HSD17B12: variants seen among roughly 807,000 people sequenced by gnomAD.
HSD17B12 encodes the protein hydroxysteroid 17-beta dehydrogenase 12, also known as very-long-chain 3-oxoacyl-CoA reductase.
Under a neutral mutation model 39.3 loss-of-function variants are expected in HSD17B12, and 32 were observed. The ratio of observed to expected loss-of-function variants is 0.81; its 90% CI spans 0.61 to 1.09. The LOEUF (loss-of-function observed/expected upper bound fraction) is 1.09. Ranked by LOEUF, HSD17B12 falls within the 50% of genes least tolerant of loss-of-function variation. The probability of loss-of-function intolerance (pLI) is 0.00; values close to 1 mark genes in which losing one functional copy is unlikely to be tolerated. For synonymous variants in HSD17B12, 150 were observed against 146.7 expected, an observed-to-expected ratio of 1.02 and a Z score of -0.16; for missense variants, 342 against 382.9, an observed-to-expected ratio of 0.89 and a Z score of 0.89.
chr11:43,740,780 A>G (rs1355549670), intron 1 of HSD17B12, among the ~76,000 whole-genome samples: 1 of 152,206 alleles, frequency 6.6e-6, no homozygotes, highest in African/African-American at 2.4e-5. Flanking sequence ...TCATATGGCC[A>G]CTGCTAGCTG....
At chr11:43,675,373 G>A in the HSD17B12 span, among the ~76,000 whole-genome samples, 1 of 152,118 alleles carries the variant, frequency 6.6e-6, no homozygotes, top group Non-Finnish European at 1.5e-5. Context: ...ATAGTAAGAG[G>A]TTCCAGGCAG....
At chr11:43,840,311 AC>A (rs1327379851) in intron 9 of HSD17B12, among the ~76,000 whole-genome samples, 1 of 152,162 alleles carries the variant, frequency 6.6e-6, no homozygotes, top group African/African-American at 2.4e-5. Flanking sequence ...GCTGAAGCAT[AC>A]TTTTTAAGTT....
At chr11:43,666,820 C>A in the HSD17B12 span, among the ~76,000 whole-genome samples, 3 of 152,218 alleles carry the variant, frequency 2.0e-5, no homozygotes, top group Non-Finnish European at 4.4e-5. Context: ...TCCATGTAAA[C>A]AGGGCAACAT....
chr11:43,701,255 A>G (rs773272502), intron 1 of HSD17B12, among the ~76,000 whole-genome samples: 21 of 152,112 alleles, frequency 1.4e-4, no homozygotes, highest in Non-Finnish European at 2.6e-4. Context: ...TCAGATGGGT[A>G]GTTTGCAGAT....
the HSD17B12 span, among the ~76,000 whole-genome samples, chr11:43,577,144 A>C: frequency 6.6e-6 from 1 of 152,052 alleles, no homozygotes; most frequent in Non-Finnish European, 1.5e-5. Flanking sequence ...CTGGCCCAAG[A>C]CTCGGTTGCT....
At chr11:43,847,488 T>A (rs533376367) in intron 9 of HSD17B12, among the ~76,000 whole-genome samples, 6 of 152,228 alleles carry the variant, frequency 3.9e-5, no homozygotes, top group African/African-American at 1.2e-4. Context: ...GAGGGTCGCT[T>A]GAGCCCAGGA....
chr11:43,743,894 G>A (rs1358334249), intron 1 of HSD17B12, among the ~76,000 whole-genome samples: 1 of 152,172 alleles, frequency 6.6e-6, no homozygotes, highest in African/African-American at 2.4e-5. Flanking sequence ...ATGTAAATGT[G>A]TAAACAAACT....
chr11:43,770,863 A>AT (rs1239140539), intron 3 of HSD17B12, among the ~76,000 whole-genome samples: 1 of 152,228 alleles, frequency 6.6e-6, no homozygotes, highest in East Asian at 1.9e-4. Context: ...CGCATAGAAC[A>AT]TTTTAGTAAT....
intron 3 of HSD17B12, among the ~76,000 whole-genome samples, chr11:43,763,584 C>CCTTATATATATATATATAAGGTTAT (rs1202121353): frequency 7.5e-5 from 10 of 133,330 alleles, no homozygotes; most frequent in African/African-American, 2.5e-4. Flanking sequence ...TATTTTATAC[C>CCTTATATATATATATATAAGGTTAT]CTTATATATA....
At chr11:43,646,569 G>C in the HSD17B12 span, among the ~76,000 whole-genome samples, 1 of 152,196 alleles carries the variant, frequency 6.6e-6, no homozygotes, top group African/African-American at 2.4e-5. Context: ...TAATTGACAA[G>C]TTACCTCTGG....
chr11:43,584,597 A>T, the HSD17B12 span: 13 of 152,220 alleles, frequency 8.5e-5, no homozygotes, highest in Admixed American at 8.5e-4. Context: ...GGTCTGCATG[A>T]GGGGTGGCCA....
At chr11:43,830,431 A>T (rs1432463648) in intron 6 of HSD17B12, 2 of 152,258 alleles carry the variant, frequency 1.3e-5, no homozygotes, top group Non-Finnish European at 2.9e-5. Context: ...TAGAGATCAC[A>T]TCTTAACTCT....
At chr11:43,606,561 C>T in the HSD17B12 span, among the ~76,000 whole-genome samples, 1 of 152,222 alleles carries the variant, frequency 6.6e-6, no homozygotes, top group East Asian at 1.9e-4. Context: ...ATTGTCTTTA[C>T]TTTGAATACA....
the HSD17B12 span, among the ~76,000 whole-genome samples, chr11:43,662,388 T>TGTGTGC: frequency 7.2e-6 from 1 of 139,738 alleles, no homozygotes; most frequent in Non-Finnish European, 1.6e-5. Flanking sequence ...TGTGTGTGTG[T>TGTGTGC]GTGTGTGTGT....
At chr11:43,678,701 C>T (rs1412561902), upstream of HSD17B12, among the ~76,000 whole-genome samples, 1 of 152,136 alleles carries the variant, frequency 6.6e-6, no homozygotes, top group African/African-American at 2.4e-5. Flanking sequence ...AATCCTTTCC[C>T]CATTTCTTGT....
At chr11:43,829,353 AG>A (rs752253924) in intron 6 of HSD17B12, among the ~76,000 whole-genome samples, 32 of 152,344 alleles carry the variant, frequency 2.1e-4, no homozygotes, top group Non-Finnish European at 4.1e-4. Flanking sequence ...CCTACATAAA[AG>A]GCCTCTTGAT....
At chr11:43,820,991 A>G (rs1951177327) in intron 6 of HSD17B12, among the ~76,000 whole-genome samples, 1 of 152,206 alleles carries the variant, frequency 6.6e-6, no homozygotes, top group African/African-American at 2.4e-5. Context: ...CAGAAGTGAA[A>G]TATCCTGAGA....
chr11:43,811,742 A>G (rs1951075257), intron 4 of HSD17B12, among the ~76,000 whole-genome samples: 1 of 152,114 alleles, frequency 6.6e-6, no homozygotes, highest in Admixed American at 6.5e-5. Context: ...CCTCTCTTCT[A>G]GCCATTTTGA....
intron 4 of HSD17B12, among the ~76,000 whole-genome samples, chr11:43,801,944 A>AT (rs1050446896): frequency 3.8e-4 from 58 of 151,964 alleles, no homozygotes; most frequent in Non-Finnish European, 7.9e-4. Flanking sequence ...TAATAGCCAC[A>AT]TTTTTTAAAG....
Sources: allele counts gnomAD v4.1 joint callset (sites outside exome capture counted in the v4.1 genomes callset), GRCh38; gene constraint gnomAD v4.1.1; transcripts MANE v1.5; gene names NCBI Gene and HGNC (gene_info 2026-07-23, HGNC 2026-07-21).